TNFSF15: variants seen among roughly 807,000 people sequenced by gnomAD.
TNFSF15 encodes tumor necrosis factor ligand superfamily member 15.
Under a neutral mutation model 26.4 loss-of-function variants are expected in TNFSF15, and 15 were observed. The observed-to-expected ratio is 0.57, with a 90% CI of 0.38 to 0.87. TNFSF15 has a LOEUF of 0.87. Among genes scored for constraint, TNFSF15 ranks in the 40% least tolerant of loss-of-function variants. The probability of loss-of-function intolerance (pLI) is 0.00; values close to 1 mark genes in which losing one functional copy is unlikely to be tolerated. For missense variants in TNFSF15, 290 were observed against 306.1 expected, an observed-to-expected ratio of 0.95 and a Z score of 0.39; for synonymous variants, 116 against 115.0, an observed-to-expected ratio of 1.01 and a Z score of -0.06.
At chr9:114,795,953 G>C (rs1372969838) in intron 1 of TNFSF15, among the ~76,000 whole-genome samples, 1 of 152,124 alleles carries the variant, frequency 6.6e-6, no homozygotes, top group Non-Finnish European at 1.5e-5. Flanking sequence ...TCACTCCCAG[G>C]TCATGCTACC....
At position 114,790,475 on chromosome 9, in the gene TNFSF15, A is replaced by G. The variant is rs1223310365; in HGVS notation, c.733T>C (p.Phe245Leu). The G allele has an allele frequency of 6.2e-7, 1 of 1,609,028 alleles. No individual in the cohort carries two copies. The highest frequency in any genetic ancestry group is 2.2e-5 in the East Asian group (1 of 44,790). The change falls in exon 4 of 4, where the codon TTC becomes CTC. Residue 245 changes from phenylalanine (F) to leucine (L), a missense_variant. Physicochemically the swap from Phe to Leu is conservative, Grantham distance 22. This residue lies in a region of TNFSF15 where 102 missense variants were observed against 114.7 expected (regional missense o/e 0.89). Transcript: ENST00000374045. The part of the protein sequence containing the change: ...LVDYTKEDKT[F>L]FGAFLL ...TCCTATAGTAAGAAGGCTCCAAAGA[A>G]GGTTTTATCTTCTTTTGTGTAATCC...
At chr9:114,803,113 T>G (rs1829770572) in intron 1 of TNFSF15, among the ~76,000 whole-genome samples, 2 of 152,080 alleles carry the variant, frequency 1.3e-5, no homozygotes, top group Non-Finnish European at 2.9e-5. Flanking sequence ...CCTTCCCTCC[T>G]CCAGAAAGCT....
At position 114,790,575 on chromosome 9, in the gene TNFSF15, G is replaced by T; in HGVS notation, c.633C>A (p.Pro211=). 6.2e-7 allele frequency: 1 copy of T among 1,614,012 alleles called. No homozygotes were observed. Among genetic ancestry groups the T allele is most frequent in the Non-Finnish European group, 8.5e-7 (1 of 1,180,012 alleles). The change falls in exon 4 of 4, where the codon CCC becomes CCA. Residue 211 remains proline (P), a synonymous_variant. Coordinates refer to ENST00000374045, the MANE Select transcript of TNFSF15 (RefSeq NM_005118.4). ...VCEVGSNWFQ[P]IYLGAMFSLQ... ...AGGAGAACATGGCTCCGAGGTAGATGGGCTGGAACCAGTTGCTACCTACTT... is the reference window on the plus strand; with the variant it reads ...AGGAGAACATGGCTCCGAGGTAGATTGGCTGGAACCAGTTGCTACCTACTT...
At chr9:114,794,800 A>G (rs1431255642) in intron 1 of TNFSF15, among the ~76,000 whole-genome samples, 1 of 152,192 alleles carries the variant, frequency 6.6e-6, no homozygotes, top group Non-Finnish European at 1.5e-5. Flanking sequence ...GCATGTTCTC[A>G]TTGATATGTG....
chr9:114,800,845 A>G (rs746318257), intron 1 of TNFSF15, among the ~76,000 whole-genome samples: 3 of 152,172 alleles, frequency 2.0e-5, no homozygotes, highest in Non-Finnish European at 4.4e-5. Context: ...CGGTGGAGCC[A>G]TGGCTTTTCC....
Position 114,785,012 on chromosome 9 carries a change from G to C in TNFSF15, c.*5440C>G, listed in dbSNP as rs775701734. Reference sequence around the variant, plus strand: ...TTATTTACTTGGCACTGTGTGTCTTGTTCCTCCTGAATGTATACACTGTGA... The same window carrying C: ...TTATTTACTTGGCACTGTGTGTCTTCTTCCTCCTGAATGTATACACTGTGA... On this transcript the variant is annotated 3_prime_UTR_variant, in exon 4 of 4. Transcript: ENST00000374045. The C allele has an allele frequency of 6.6e-6, 1 of 152,212 alleles. No individual in the cohort carries two copies. The highest frequency in any genetic ancestry group is 1.5e-5 in the Non-Finnish European group (1 of 68,048). The allele number at this position is 152,212 out of a possible 1,614,324, so 9.4% of individuals were successfully genotyped here.
chr9:114,791,128 C>T (rs1250421442), intron 3 of TNFSF15: 3 of 606,084 alleles, frequency 4.9e-6, no homozygotes, highest in Non-Finnish European at 5.9e-6. Flanking sequence ...ATTACTTTGC[C>T]TTTCTGAGAC....
chr9:114,805,968 C>T lies in TNFSF15; in HGVS notation c.45G>A (p.Val15=), dbSNP rs1200858027. 3 of 1,613,966 alleles carry T rather than the reference C, an allele frequency of 1.9e-6. No individual in the cohort carries two copies. The African/African-American group carries it at 4.0e-5, about 22-fold the overall frequency. ...AGCTGCCGTGCTCTGGCAGCATTTC[C>T]ACACTGGCTGTTTCCCCAAAGCTCA... The part of the protein sequence containing the change: ...LGLSFGETAS[V]EMLPEHGSCR... Residue 15 remains valine, a synonymous_variant, in exon 1 of 4, where the codon GTG becomes GTA. Coordinates refer to ENST00000374045, the MANE Select transcript of TNFSF15 (RefSeq NM_005118.4).
At chr9:114,792,332 AT>A in intron 3 of TNFSF15, 74 bp downstream of exon 3, 1 of 1,557,284 alleles carries the variant, frequency 6.4e-7, no homozygotes. Flanking sequence ...ACTAGAATGA[AT>A]TTTGGTAAAG....
At chr9:114,798,873 A>C (rs1829705632) in intron 1 of TNFSF15, among the ~76,000 whole-genome samples, 1 of 152,196 alleles carries the variant, frequency 6.6e-6, no homozygotes, top group African/African-American at 2.4e-5. Flanking sequence ...GTCACTCTCT[A>C]TCTCTATTCA....
intron 1 of TNFSF15, among the ~76,000 whole-genome samples, chr9:114,796,735 TACG>T (rs1459423348): frequency 2.5e-4 from 38 of 152,346 alleles, no homozygotes; most frequent in African/African-American, 9.1e-4. Context: ...TATGTATGGA[TACG>T]ACATGTAAGG....
intron 1 of TNFSF15, among the ~76,000 whole-genome samples, chr9:114,801,687 A>C (rs893336486): frequency 6.6e-6 from 1 of 152,242 alleles, no homozygotes; most frequent in Non-Finnish European, 1.5e-5. Flanking sequence ...GTTAGGTAAC[A>C]TGGTTAAGAA....
At position 114,793,596 on chromosome 9, in the gene TNFSF15, C is replaced by T. The variant is rs185317131; in HGVS notation, c.211-28G>A. ...ATTGGGAAAGAAAGTATAGTTTAGA[C>T]CAACTGTGGTCCTTTTGATCCCAAC... On this transcript the variant is annotated intron_variant, in intron 1 of 3. Transcript: ENST00000374045. 5.2e-5 allele frequency: 84 copies of T among 1,611,702 alleles called. No individual in the cohort carries two copies. The East Asian group carries it at 1.7e-3, about 33-fold the overall frequency.
At position 114,786,226 on chromosome 9, in the gene TNFSF15, T is replaced by C. The variant is rs1475364686; in HGVS notation, c.*4226A>G. The C allele has an allele frequency of 6.6e-6, 1 of 152,268 alleles. No homozygotes were observed. Among genetic ancestry groups the C allele is most frequent in the Non-Finnish European group, 1.5e-5 (1 of 68,056 alleles). 9.4% of individuals were successfully genotyped at this position (152,268 alleles called of 1,614,324 possible). A position where few individuals can be genotyped will look rare whatever the true frequency, so the allele number is the denominator to read the frequency against. ...TCTGCTACAAATATCAAAACACTTC[T>C]AGGACTCTGGGCCATAGGAAAGCCA... On this transcript the variant is annotated 3_prime_UTR_variant, in exon 4 of 4. Transcript: ENST00000374045.
intron 1 of TNFSF15, among the ~76,000 whole-genome samples, chr9:114,801,946 G>A (rs566642002): frequency 1.8e-4 from 28 of 152,136 alleles, no homozygotes; most frequent in Admixed American, 3.3e-4. Context: ...TCTTTTGTGC[G>A]CTTCCTGAGA....
chr9:114,791,500 T>C (rs1003785311), intron 3 of TNFSF15: 1 of 170,786 alleles, frequency 5.9e-6, no homozygotes, highest in Middle Eastern at 3.4e-3. Context: ...AATTTCCTCT[T>C]AGTCAAATGA....
At chr9:114,795,925 G>A (rs6478107) in intron 1 of TNFSF15, among the ~76,000 whole-genome samples, 2,170 of 152,160 alleles carry the variant, frequency 0.014, 49 homozygotes, top group African/African-American at 0.05. Context: ...TGTTAGAGCC[G>A]GGACCTCCAG....
At chr9:114,799,856 A>G (rs1424179966) in intron 1 of TNFSF15, among the ~76,000 whole-genome samples, 1 of 152,128 alleles carries the variant, frequency 6.6e-6, no homozygotes, top group Non-Finnish European at 1.5e-5. Context: ...CTGCCTCTGC[A>G]CTTCCTCAGT....
intron 1 of TNFSF15, among the ~76,000 whole-genome samples, chr9:114,804,116 C>T (rs1381970446): frequency 6.6e-6 from 1 of 152,196 alleles, no homozygotes; most frequent in Non-Finnish European, 1.5e-5. Flanking sequence ...CTGGGCAAAC[C>T]AGAGCTGCAA....
Sources: allele counts gnomAD v4.1 joint callset (sites outside exome capture counted in the v4.1 genomes callset), GRCh38; gene constraint gnomAD v4.1.1; regional missense constraint gnomAD v4.1.1; transcripts MANE v1.5; gene names NCBI Gene and HGNC (gene_info 2026-07-23, HGNC 2026-07-21).